The following NAGS variants were observed in gnomAD, a reference collection of about 807,000 sequenced individuals.
The protein encoded by NAGS is N-acetylglutamate synthase, mitochondrial.
Under a neutral mutation model 46.9 loss-of-function variants are expected in NAGS, and 34 were observed. That is an observed-to-expected ratio of 0.72 (90% CI 0.55 to 0.97). The LOEUF is 0.97. Ranked by LOEUF, NAGS falls within the 50% of genes least tolerant of loss-of-function variation. The probability of loss-of-function intolerance (pLI) is 0.00; values close to 1 mark genes in which losing one functional copy is unlikely to be tolerated. For missense variants in NAGS, 665 were observed against 747.0 expected (o/e 0.89, Z 1.28); for synonymous variants, 334 against 346.3 (o/e 0.96, Z 0.39).
rs757894007 is a variant in NAGS at position 44,004,706 on chromosome 17, G to A, written c.43G>A (p.Val15Ile). 63 of 1,519,592 alleles carry A rather than the reference G, an allele frequency of 4.1e-5. No individual in the cohort carries two copies. The highest frequency in any genetic ancestry group is 5.3e-5 in the Non-Finnish European group (60 of 1,132,318). 94.1% of individuals were successfully genotyped at this position (1,519,592 alleles called of 1,614,324 possible). Residue 15 changes from valine to isoleucine, a missense_variant, in exon 1 of 7, where the codon GTA becomes ATA. Physicochemically the swap from Val to Ile is conservative, Grantham distance 29. Coordinates refer to ENST00000293404, the MANE Select transcript of NAGS (RefSeq NM_153006.3). ...GGCTGTGGTTCTGCGGGCAGCTGCT[G>A]TAGCCCCGAGGCTGAGAGGCCGGGG... ...LMAVVLRAAA[V>I]APRLRGRGGT...
At position 44,005,964 on chromosome 17, in the gene NAGS, G is replaced by C; in HGVS notation, c.701+53G>C. On this transcript the variant is annotated intron_variant, in intron 2 of 6. Transcript: ENST00000293404. This position sits in a 1 kb window ranked among gnomAD's most constrained non-coding sequence, Gnocchi z 7.2. ...GTCCTCAGAGCGTGCTACTCTGCCCGCCCTGCCCCGTCCGGCAGGCCTGGA... is the reference window on the plus strand; with the variant it reads ...GTCCTCAGAGCGTGCTACTCTGCCCCCCCTGCCCCGTCCGGCAGGCCTGGA... 2 of 1,553,732 alleles carry C rather than the reference G, an allele frequency of 1.3e-6. No individual in the cohort carries two copies. Among genetic ancestry groups the C allele is most frequent in the Non-Finnish European group, 1.7e-6 (2 of 1,153,278 alleles).
chr17:44,007,874 C>A lies in NAGS; in HGVS notation c.1451+101C>A. On this transcript the variant is annotated intron_variant, in intron 6 of 6. Transcript: ENST00000293404. The surrounding 1 kb of genome is among the most constrained non-coding windows in gnomAD (Gnocchi z 5.1). Reference sequence around the variant, plus strand: ...GAAGGCTGGGCTTCCTCTTCTTCCACTGGTCTCCCTTTCACTACCTCCCAG... The same window carrying A: ...GAAGGCTGGGCTTCCTCTTCTTCCAATGGTCTCCCTTTCACTACCTCCCAG... 8.1e-7 allele frequency: 1 copy of A among 1,234,588 alleles called. No individual in the cohort carries two copies. Among genetic ancestry groups the A allele is most frequent in the Non-Finnish European group, 1.2e-6 (1 of 861,054 alleles). The allele number at this position is 1,234,588 out of a possible 1,614,324, so 76.5% of individuals were successfully genotyped here. A position where few individuals can be genotyped will look rare whatever the true frequency, so the allele number is the denominator to read the frequency against.
Position 44,006,788 on chromosome 17 carries a change from G to GAAGC in NAGS, c.1096+79_1096+80insAAGC. 6.2e-6 allele frequency: 9 copies of GAAGC among 1,450,214 alleles called. No individual in the cohort carries two copies. Among genetic ancestry groups the GAAGC allele is most frequent in the Non-Finnish European group, 8.3e-6 (9 of 1,078,736 alleles). 89.8% of individuals were successfully genotyped at this position (1,450,214 alleles called of 1,614,324 possible). A position where few individuals can be genotyped will look rare whatever the true frequency, so the allele number is the denominator to read the frequency against. ...GGCTGGGTGTCTGCGGTCAGGAGGA[G>GAAGC]CGGCTTCTCCTCCTGTCCAGGAGCC... On this transcript the variant is annotated intron_variant, in intron 4 of 6. Coordinates refer to ENST00000293404, the MANE Select transcript of NAGS (RefSeq NM_153006.3). This position sits in a 1 kb window ranked among gnomAD's most constrained non-coding sequence, Gnocchi z 4.8.
Position 44,004,692 on chromosome 17 carries a change from T to A in NAGS, c.29T>A (p.Leu10Gln). Residue 10 changes from leucine (L) to glutamine (Q), a missense_variant, in exon 1 of 7, where the codon CTG becomes CAG. Transcript: ENST00000293404. Reference sequence around the variant, plus strand: ...GCGACGGCGCTGATGGCTGTGGTTCTGCGGGCAGCTGCTGTAGCCCCGAGG... The same window carrying A: ...GCGACGGCGCTGATGGCTGTGGTTCAGCGGGCAGCTGCTGTAGCCCCGAGG... MATALMAVVLRAAAVAPRLR... is the reference protein window; with the variant it reads MATALMAVVQRAAAVAPRLR... 1 of 1,530,580 alleles carries A rather than the reference T, an allele frequency of 6.5e-7. No homozygotes were observed. The highest frequency in any genetic ancestry group is 8.8e-7 in the Non-Finnish European group (1 of 1,137,040). The allele number at this position is 1,530,580 out of a possible 1,614,324, so 94.8% of individuals were successfully genotyped here.
Position 44,006,957 on chromosome 17 carries a change from G to A in NAGS, c.1096+248G>A, listed in dbSNP as rs1251800567. The A allele has an allele frequency of 1.8e-6, 1 of 552,572 alleles. No homozygotes were observed. Among genetic ancestry groups the A allele is most frequent in the Non-Finnish European group, 3.2e-6 (1 of 316,716 alleles). 34.2% of individuals were successfully genotyped at this position (552,572 alleles called of 1,614,324 possible). On this transcript the variant is annotated intron_variant, in intron 4 of 6. Transcript: ENST00000293404. The surrounding 1 kb of genome is among the most constrained non-coding windows in gnomAD (Gnocchi z 4.8). ...GGCGGGACTAGGGGGGAGAAGGAGG[G>A]GCCCCCCGGTGGGCGGGGCCAGGGG...
At position 44,008,719 on chromosome 17, in the gene NAGS, C is replaced by T; in HGVS notation, c.*118C>T. On this transcript the variant is annotated 3_prime_UTR_variant, in exon 7 of 7. Coordinates refer to ENST00000293404, the MANE Select transcript of NAGS (RefSeq NM_153006.3). The stretch of plus-strand genomic sequence containing the variant: ...GAAGGGGGCTTGTTGGCTGAGTGAT[C>T]TGCAGAGGAGAAAGCAGCCCCAGCT... The T allele has an allele frequency of 7.2e-7, 1 of 1,380,826 alleles. No individual in the cohort carries two copies. Among genetic ancestry groups the T allele is most frequent in the Non-Finnish European group, 1.0e-6 (1 of 976,956 alleles). 85.5% of individuals were successfully genotyped at this position (1,380,826 alleles called of 1,614,324 possible).
In NAGS at chr17:44,007,585, C is replaced by T. The variant is rs778852403; in HGVS notation, c.1269-6C>T. The T allele has an allele frequency of 1.2e-6, 2 of 1,610,888 alleles. No homozygotes were observed. The highest frequency in any genetic ancestry group is 1.7e-6 in the Non-Finnish European group (2 of 1,178,784). On this transcript the variant is annotated splice_polypyrimidine_tract_variant and splice_region_variant and intron_variant, in intron 5 of 6. Transcript: ENST00000293404. This position sits in a 1 kb window ranked among gnomAD's most constrained non-coding sequence, Gnocchi z 5.1. Reference sequence around the variant, plus strand: ...GTCCCAGCCTGCCGCTCTCCCGCTGCGCCAGGTACAACGCCGCCGCCATTC... The same window carrying T: ...GTCCCAGCCTGCCGCTCTCCCGCTGTGCCAGGTACAACGCCGCCGCCATTC...
chr17:44,005,765 C>A lies in NAGS; in HGVS notation c.555C>A (p.Gly185=), dbSNP rs2143983063. 2 of 1,590,982 alleles carry A rather than the reference C, an allele frequency of 1.3e-6. No homozygotes were observed. Among genetic ancestry groups the A allele is most frequent in the South Asian group, 2.3e-5 (2 of 87,488 alleles). Residue 185 remains glycine (G), a synonymous_variant, in exon 2 of 7, where the codon GGC becomes GGA. Transcript: ENST00000293404. The surrounding 1 kb of genome is among the most constrained non-coding windows in gnomAD (Gnocchi z 7.2). ...LGLPAPTAPS[G]CLSFWEAKAQ... ...TGCCGGCCCCTACGGCTCCCTCGGG[C>A]TGTCTTTCCTTCTGGGAGGCCAAGG...
chr17:44,007,406 C>G lies in NAGS; in HGVS notation c.1180C>G (p.Leu394Val). Residue 394 changes from leucine to valine, a missense_variant, in exon 5 of 7, where the codon CTG becomes GTG. Physicochemically the swap from Leu to Val is conservative, Grantham distance 32. Transcript: ENST00000293404. The surrounding 1 kb of genome is among the most constrained non-coding windows in gnomAD (Gnocchi z 5.1). ...DKLDQGRLVD[L>V]VNASFGKKLR... Reference sequence around the variant, plus strand: ...GCTGGACCAGGGCCGTCTAGTGGACCTGGTCAACGCCAGCTTCGGCAAGAA... The same window carrying G: ...GCTGGACCAGGGCCGTCTAGTGGACGTGGTCAACGCCAGCTTCGGCAAGAA... 1.2e-6 allele frequency: 2 copies of G among 1,613,798 alleles called. No homozygotes were observed. Among genetic ancestry groups the G allele is most frequent in the South Asian group, 1.1e-5 (1 of 91,084 alleles).
rs1597865847 is a variant in NAGS, at chr17:44,006,843, T to G, written c.1096+134T>G. ...GGGGAGGCGGGGGGTGTCACAGCAA[T>G]GGCTCCTGCTGCTGCCGAAACCCGG... On this transcript the variant is annotated intron_variant, in intron 4 of 6. Coordinates refer to ENST00000293404, the MANE Select transcript of NAGS (RefSeq NM_153006.3). The surrounding 1 kb of genome is among the most constrained non-coding windows in gnomAD (Gnocchi z 4.8). The G allele has an allele frequency of 1.1e-6, 1 of 912,950 alleles. No homozygotes were observed. Among genetic ancestry groups the G allele is most frequent in the Non-Finnish European group, 1.6e-6 (1 of 625,394 alleles). 56.6% of individuals were successfully genotyped at this position (912,950 alleles called of 1,614,324 possible). A position where few individuals can be genotyped will look rare whatever the true frequency, so the allele number is the denominator to read the frequency against.
chr17:44,007,902 G>A lies in NAGS; in HGVS notation c.1451+129G>A, dbSNP rs2049117429. On this transcript the variant is annotated intron_variant, in intron 6 of 6. Coordinates refer to ENST00000293404, the MANE Select transcript of NAGS (RefSeq NM_153006.3). This position sits in a 1 kb window ranked among gnomAD's most constrained non-coding sequence, Gnocchi z 5.1. ...GTCTCCCTTTCACTACCTCCCAGGGGCAGAACACACAGAAAGCCTGAGATT... is the reference window on the plus strand; with the variant it reads ...GTCTCCCTTTCACTACCTCCCAGGGACAGAACACACAGAAAGCCTGAGATT... 4 of 956,168 alleles carry A rather than the reference G, an allele frequency of 4.2e-6. No individual in the cohort carries two copies. Among genetic ancestry groups the A allele is most frequent in the Middle Eastern group, 3.0e-4 (1 of 3,312 alleles). The allele number at this position is 956,168 out of a possible 1,614,324, so 59.2% of individuals were successfully genotyped here. A position where few individuals can be genotyped will look rare whatever the true frequency, so the allele number is the denominator to read the frequency against.
At position 44,006,001 on chromosome 17, in the gene NAGS, C is replaced by A; in HGVS notation, c.702-23C>A. On this transcript the variant is annotated intron_variant, in intron 2 of 6. Coordinates refer to ENST00000293404, the MANE Select transcript of NAGS (RefSeq NM_153006.3). The surrounding 1 kb of genome is among the most constrained non-coding windows in gnomAD (Gnocchi z 4.8). Reference sequence around the variant, plus strand: ...CCGGCAGGCCTGGAGGGGGCCCTCTCGAGCACCACGTCTGGCCCACAGCTA... The same window carrying A: ...CCGGCAGGCCTGGAGGGGGCCCTCTAGAGCACCACGTCTGGCCCACAGCTA... 7 of 1,580,436 alleles carry A rather than the reference C, an allele frequency of 4.4e-6. No homozygotes were observed. The highest frequency in any genetic ancestry group is 1.3e-5 in the African/African-American group (1 of 74,166).
In NAGS at chr17:44,004,881, C is replaced by T. The variant is rs1218242773; in HGVS notation, c.218C>T (p.Pro73Leu). Residue 73 changes from proline (P) to leucine (L), a missense_variant, in exon 1 of 7, where the codon CCC (proline) becomes CTC (leucine). By Grantham distance (98) the Pro-to-Leu change is moderately conservative (BLOSUM62 -3). Coordinates refer to ENST00000293404, the MANE Select transcript of NAGS (RefSeq NM_153006.3). The part of the protein sequence containing the change: ...YAGADDVSQS[P>L]VAEEPSWVPS... ...GGCGCGGACGACGTCTCCCAGTCGC[C>T]CGTCGCCGAGGAGCCGTCGTGGGTG... The T allele has an allele frequency of 2.6e-6, 4 of 1,531,904 alleles. No homozygotes were observed. Among genetic ancestry groups the T allele is most frequent in the Non-Finnish European group, 3.5e-6 (4 of 1,145,374 alleles). The allele number at this position is 1,531,904 out of a possible 1,614,324, so 94.9% of individuals were successfully genotyped here.
Position 44,004,796 on chromosome 17 carries a change from C to A in NAGS, c.133C>A (p.Pro45Thr). 2.2e-6 allele frequency: 3 copies of A among 1,373,312 alleles called. No homozygotes were observed. Among genetic ancestry groups the A allele is most frequent in the Non-Finnish European group, 2.8e-6 (3 of 1,069,020 alleles). The allele number at this position is 1,373,312 out of a possible 1,614,324, so 85.1% of individuals were successfully genotyped here. Residue 45 changes from proline to threonine, a missense_variant, in exon 1 of 7, where the codon CCG (proline) becomes ACG (threonine). By Grantham distance (38) the Pro-to-Thr change is conservative. Transcript: ENST00000293404. ...ARRRAARGTS[P>T]GRRLSTAWSQ... is the part of the protein sequence containing the mutation. ...GCGGCGGGCGGCGAGGGGCACCAGC[C>A]CGGGGCGCCGGCTCAGCACCGCCTG...
chr17:44,006,910 C>G lies in NAGS; in HGVS notation c.1096+201C>G. ...GGAGACCCAGTGTACTGGAAGGGAA[C>G]TCCGAAGGAATTAAAGGAATGGGCG... On this transcript the variant is annotated intron_variant, in intron 4 of 6. Transcript: ENST00000293404. This position sits in a 1 kb window ranked among gnomAD's most constrained non-coding sequence, Gnocchi z 4.8. 1 of 578,348 alleles carries G rather than the reference C, an allele frequency of 1.7e-6. No individual in the cohort carries two copies. The highest frequency in any genetic ancestry group is 3.0e-6 in the Non-Finnish European group (1 of 338,832). The allele number at this position is 578,348 out of a possible 1,614,324, so 35.8% of individuals were successfully genotyped here. A position where few individuals can be genotyped will look rare whatever the true frequency, so the allele number is the denominator to read the frequency against.
At position 44,006,199 on chromosome 17, in the gene NAGS, C is replaced by G. The variant is rs575938230; in HGVS notation, c.877C>G (p.Leu293Val). 1 of 1,613,396 alleles carries G rather than the reference C, an allele frequency of 6.2e-7. No individual in the cohort carries two copies. Among genetic ancestry groups the G allele is most frequent in the South Asian group, 1.1e-5 (1 of 91,082 alleles). Residue 293 changes from leucine to valine, a missense_variant, in exon 3 of 7, where the codon CTC becomes GTC. Physicochemically the swap from Leu to Val is conservative, Grantham distance 32. Transcript: ENST00000293404. The surrounding 1 kb of genome is among the most constrained non-coding windows in gnomAD (Gnocchi z 4.8). ...KALRPTKIIF[L>V]NNTGGLRDSS... is the part of the protein sequence containing the mutation. ...GCTGCGGCCCACCAAAATCATCTTC[C>G]TCAATAACACAGGCGGCCTGCGCGA...
chr17:44,007,424 G>C lies in NAGS; in HGVS notation c.1198G>C (p.Gly400Arg). The change falls in exon 5 of 7, where the codon GGC (glycine) becomes CGC (arginine). Residue 400 changes from glycine (G) to arginine (R), a missense_variant. Physicochemically the swap from Gly to Arg is moderately radical, Grantham distance 125 (BLOSUM62 -2). Transcript: ENST00000293404. The surrounding 1 kb of genome is among the most constrained non-coding windows in gnomAD (Gnocchi z 5.1). The stretch of plus-strand genomic sequence containing the variant: ...AGTGGACCTGGTCAACGCCAGCTTC[G>C]GCAAGAAGCTCAGGGACGACTACCT... ...RLVDLVNASF[G>R]KKLRDDYLAS... is the part of the protein sequence containing the mutation. The C allele has an allele frequency of 1.9e-6, 3 of 1,613,896 alleles. No homozygotes were observed. The highest frequency in any genetic ancestry group is 1.7e-6 in the Non-Finnish European group (2 of 1,180,012).
In NAGS at chr17:44,005,853, G is replaced by C. The variant is rs761118845; in HGVS notation, c.643G>C (p.Val215Leu). Residue 215 changes from valine (V) to leucine (L), a missense_variant, in exon 2 of 7, where the codon GTG (valine) becomes CTG (leucine). Transcript: ENST00000293404. The surrounding 1 kb of genome is among the most constrained non-coding windows in gnomAD (Gnocchi z 7.2). ...GCTTCGACACAACGCCGCCGCTGCTGTGCCATTTTTTGGCGGCGGGTCTGT... is the reference window on the plus strand; with the variant it reads ...GCTTCGACACAACGCCGCCGCTGCTCTGCCATTTTTTGGCGGCGGGTCTGT... ...DALRHNAAAA[V>L]PFFGGGSVLR... 1 of 1,561,782 alleles carries C rather than the reference G, an allele frequency of 6.4e-7. No homozygotes were observed. Among genetic ancestry groups the C allele is most frequent in the South Asian group, 1.2e-5 (1 of 85,110 alleles).
At position 44,008,981 on chromosome 17, in the gene NAGS, T is replaced by G. The variant is rs561233325; in HGVS notation, c.*380T>G. 6.9e-6 allele frequency: 2 copies of G among 290,918 alleles called. No individual in the cohort carries two copies. Among genetic ancestry groups the G allele is most frequent in the East Asian group, 7.2e-5 (1 of 13,926 alleles). 18.0% of individuals were successfully genotyped at this position (290,918 alleles called of 1,614,324 possible). A position where few individuals can be genotyped will look rare whatever the true frequency, so the allele number is the denominator to read the frequency against. On this transcript the variant is annotated 3_prime_UTR_variant, in exon 7 of 7. Coordinates refer to ENST00000293404, the MANE Select transcript of NAGS (RefSeq NM_153006.3). ...CCTTACCCAAAATAATACCCCTGCCTGCGTGATATTCTACCATTCATTTTA... is the reference window on the plus strand; with the variant it reads ...CCTTACCCAAAATAATACCCCTGCCGGCGTGATATTCTACCATTCATTTTA...
Sources: gnomAD v4.1 joint callset for allele counts on GRCh38, gnomAD v4.1.1 for gene constraint, Gnocchi (gnomAD v3.1) non-coding constraint, MANE v1.5 for transcripts, NCBI Gene and HGNC (gene_info 2026-07-23, HGNC 2026-07-21) for gene names.